Variants in ZSWIM6 observed in about 807,000 individuals in gnomAD.
ZSWIM6 encodes zinc finger SWIM domain-containing protein 6.
Under a neutral mutation model 113.2 loss-of-function variants are expected in ZSWIM6, and 9 were observed. That is an observed-to-expected ratio of 0.08 (90% CI 0.05 to 0.14). The LOEUF (loss-of-function observed/expected upper bound fraction) is 0.14, where lower values mean the gene tolerates loss of function less well. ZSWIM6 is among the 10% of genes least tolerant of loss of function. ZSWIM6 has a pLI of 1.00. For synonymous variants in ZSWIM6, 611 were observed against 606.5 expected, an observed-to-expected ratio of 1.01 and a Z score of -0.11; for missense variants, 1,162 against 1,552.2, an observed-to-expected ratio of 0.75 and a Z score of 4.22.
intron 2 of ZSWIM6, among the ~76,000 whole-genome samples, chr5:61,485,796 C>T (rs1206410569): frequency 1.3e-5 from 2 of 152,090 alleles, no homozygotes; most frequent in African/African-American, 2.4e-5. Context: ...TTTTTAGATA[C>T]GTAAATATAT....
At chr5:61,499,737 A>G (rs1748413127) in intron 4 of ZSWIM6, among the ~76,000 whole-genome samples, 1 of 152,144 alleles carries the variant, frequency 6.6e-6, no homozygotes, top group Admixed American at 6.6e-5. Flanking sequence ...GAGATTTTCA[A>G]TCCAACCTTG....
chr5:61,437,534 G>A (rs533354905), intron 1 of ZSWIM6, among the ~76,000 whole-genome samples: 1 of 151,868 alleles, frequency 6.6e-6, no homozygotes, highest in Non-Finnish European at 1.5e-5. Context: ...ACCAGCCTGC[G>A]CAACATGGCA....
chr5:61,405,960 C>T (rs1746035800), intron 1 of ZSWIM6, among the ~76,000 whole-genome samples: 1 of 152,110 alleles, frequency 6.6e-6, no homozygotes, highest in African/African-American at 2.4e-5. Context: ...AGTCTGTGGT[C>T]CTGTGAGGTC....
intron 1 of ZSWIM6, chr5:61,375,762 A>G: frequency 1.3e-6 from 2 of 1,530,360 alleles, no homozygotes; most frequent in East Asian, 2.4e-5. Flanking sequence ...AACGAGAAAA[A>G]GCAACAGAAA....
chr5:61,543,329 A>AT lies in ZSWIM6; in HGVS notation c.2786-122dup. The AT allele has an allele frequency of 1.7e-6, 2 of 1,173,750 alleles. No homozygotes were observed. Among genetic ancestry groups the AT allele is most frequent in the South Asian group, 1.6e-5 (1 of 60,694 alleles). The allele number at this position is 1,173,750 out of a possible 1,614,324, so 72.7% of individuals were successfully genotyped here. ...TCTCACAGGCACATTACTTTACAGG[A>AT]TTTTCTAGCCTAGCTCATGTCCTAT... On this transcript the variant is annotated intron_variant, in intron 13 of 13. Coordinates refer to ENST00000252744, the MANE Select transcript of ZSWIM6 (RefSeq NM_020928.2). The surrounding 1 kb of genome is among the most constrained non-coding windows in gnomAD (Gnocchi z 4.3).
At chr5:61,501,503 A>G (rs1400244384) in intron 4 of ZSWIM6, among the ~76,000 whole-genome samples, 1 of 152,252 alleles carries the variant, frequency 6.6e-6, no homozygotes, top group Non-Finnish European at 1.5e-5. Flanking sequence ...AAGAGACTTT[A>G]CAGGTCATTT....
intron 1 of ZSWIM6, among the ~76,000 whole-genome samples, chr5:61,412,833 A>C (rs1746172699): frequency 6.6e-6 from 1 of 152,162 alleles, no homozygotes; most frequent in Admixed American, 6.6e-5. Flanking sequence ...GTTTATCATT[A>C]AAATTTATTT....
At position 61,350,357 on chromosome 5, in the gene ZSWIM6, G is replaced by C. The variant is rs181637923; in HGVS notation, c.676+17409G>C. ...TGCGCTATGTGCACTTGTGTGTATAGGGAGAGAGTAAGAGAGGGAAGGTGG... is the reference window on the plus strand; with the variant it reads ...TGCGCTATGTGCACTTGTGTGTATACGGAGAGAGTAAGAGAGGGAAGGTGG... On this transcript the variant is annotated intron_variant, in intron 1 of 13. Coordinates refer to ENST00000252744, the MANE Select transcript of ZSWIM6 (RefSeq NM_020928.2). Among the ~76,000 whole-genome samples the C allele has an allele frequency of 3.4e-3, 512 of 152,308 alleles. 3 individuals carry two copies. The highest frequency in any genetic ancestry group is 5.4e-3 in the Non-Finnish European group (365 of 68,030).
intron 1 of ZSWIM6, among the ~76,000 whole-genome samples, chr5:61,349,767 A>G (rs903460490): frequency 6.6e-6 from 1 of 152,214 alleles, no homozygotes; most frequent in Non-Finnish European, 1.5e-5. Flanking sequence ...TGGGTTACCT[A>G]GAAAAATAAT....
At chr5:61,493,024 G>A (rs141445652) in intron 3 of ZSWIM6, among the ~76,000 whole-genome samples, 1 of 152,072 alleles carries the variant, frequency 6.6e-6, no homozygotes, top group South Asian at 2.1e-4. Flanking sequence ...TGAAGTGGAT[G>A]GATTCATTTA....
chr5:61,538,781 C>T (rs1311319177), intron 10 of ZSWIM6, 33 bp from the exon 11 acceptor site: 8 of 1,530,066 alleles, frequency 5.2e-6, no homozygotes, highest in Non-Finnish European at 7.0e-6. Flanking sequence ...CAAGAAATAA[C>T]TAGGGGCCAC....
chr5:61,514,801 T>C (rs1748886665), intron 4 of ZSWIM6, among the ~76,000 whole-genome samples: 1 of 152,172 alleles, frequency 6.6e-6, no homozygotes, highest in Non-Finnish European at 1.5e-5. Context: ...TTTACTTCTA[T>C]GCTCATGAGG....
intron 1 of ZSWIM6, among the ~76,000 whole-genome samples, chr5:61,394,796 G>A (rs1355963142): frequency 6.6e-6 from 1 of 152,176 alleles, no homozygotes; most frequent in Non-Finnish European, 1.5e-5. Context: ...TGCAAAAATG[G>A]AGTGTGAAAC....
intron 4 of ZSWIM6, among the ~76,000 whole-genome samples, chr5:61,502,848 T>C (rs931173245): frequency 1.3e-5 from 2 of 152,164 alleles, no homozygotes; most frequent in African/African-American, 4.8e-5. Context: ...ATCTAATGCC[T>C]AATGATCTGA....
At chr5:61,443,429 A>G (rs1214810527) in intron 1 of ZSWIM6, among the ~76,000 whole-genome samples, 1 of 152,220 alleles carries the variant, frequency 6.6e-6, no homozygotes, top group Non-Finnish European at 1.5e-5. Flanking sequence ...ACACCACTTC[A>G]GATTTGAAGT....
intron 1 of ZSWIM6, among the ~76,000 whole-genome samples, chr5:61,357,323 A>G (rs527865142): frequency 1.3e-5 from 2 of 152,286 alleles, no homozygotes; most frequent in South Asian, 4.1e-4. Context: ...CACGAAAATA[A>G]TACACAAAGA....
intron 1 of ZSWIM6, among the ~76,000 whole-genome samples, chr5:61,385,239 T>C (rs1239036363): frequency 1.3e-5 from 2 of 152,194 alleles, no homozygotes; most frequent in Non-Finnish European, 2.9e-5. Flanking sequence ...AAGACAAATA[T>C]TTTGAGAAAT....
At chr5:61,531,235 A>G (rs1749419677) in intron 8 of ZSWIM6, among the ~76,000 whole-genome samples, 1 of 151,990 alleles carries the variant, frequency 6.6e-6, no homozygotes, top group Admixed American at 6.6e-5. Context: ...TTCAAGGGAG[A>G]AAAGTATTTG....
chr5:61,426,427 CATA>C (rs1746463144), intron 1 of ZSWIM6, among the ~76,000 whole-genome samples: 1 of 152,192 alleles, frequency 6.6e-6, no homozygotes, highest in Non-Finnish European at 1.5e-5. Context: ...CTCACACATA[CATA>C]CGCACTTATA....
Sources: allele counts gnomAD v4.1 joint callset (sites outside exome capture counted in the v4.1 genomes callset), GRCh38; gene constraint gnomAD v4.1.1; non-coding constraint Gnocchi (gnomAD v3.1); transcripts MANE v1.5; gene names NCBI Gene and HGNC (gene_info 2026-07-23, HGNC 2026-07-21).